The following CTDSPL variants were observed in gnomAD, a reference collection of about 807,000 sequenced individuals.
CTDSPL encodes the protein CTD small phosphatase like.
A neutral mutation model predicts 30.5 loss-of-function variants in CTDSPL; 8 were observed. The observed-to-expected ratio is 0.26, with a 90% CI of 0.15 to 0.47. The LOEUF is 0.47. CTDSPL is among the 20% of genes least tolerant of loss of function. The pLI, the probability that CTDSPL is intolerant of heterozygous loss-of-function variation, is 0.99. For missense variants in CTDSPL, 248 were observed against 366.1 expected, an observed-to-expected ratio of 0.68 and a Z score of 2.63; for synonymous variants, 110 against 137.9, an observed-to-expected ratio of 0.80 and a Z score of 1.42.
chr3:37,951,573 C>G (rs1350310013), intron 2 of CTDSPL, among the ~76,000 whole-genome samples: 1 of 151,726 alleles, frequency 6.6e-6, no homozygotes, highest in Non-Finnish European at 1.5e-5. Flanking sequence ...TCCAGCTACT[C>G]TGGAGACTGA....
chr3:37,873,725 T>C (rs1398088578), intron 1 of CTDSPL, among the ~76,000 whole-genome samples: 2 of 152,244 alleles, frequency 1.3e-5, no homozygotes, highest in Non-Finnish European at 2.9e-5. Context: ...TTCAATATTA[T>C]GCTAATGACT....
intron 1 of CTDSPL, among the ~76,000 whole-genome samples, chr3:37,890,477 A>T (rs777916425): frequency 6.6e-6 from 1 of 152,214 alleles, no homozygotes; most frequent in Non-Finnish European, 1.5e-5. Flanking sequence ...ATATTTGGTT[A>T]AAAAAAGCTA....
intron 1 of CTDSPL, among the ~76,000 whole-genome samples, chr3:37,901,608 T>C (rs917261316): frequency 3.9e-5 from 6 of 152,214 alleles, no homozygotes; most frequent in African/African-American, 1.2e-4. Context: ...TACTATGATA[T>C]GTCATGTGCT....
Position 37,862,260 on chromosome 3 carries a change from C to A in CTDSPL, c.61C>A (p.Pro21Thr). 1 of 1,494,934 alleles carries A rather than the reference C, an allele frequency of 6.7e-7. No homozygotes were observed. Among genetic ancestry groups the A allele is most frequent in the Non-Finnish European group, 8.9e-7 (1 of 1,125,618 alleles). The allele number at this position is 1,494,934 out of a possible 1,614,324, so 92.6% of individuals were successfully genotyped here. Reference protein sequence around the residue: ...TNPKEDEGRLPGAGEKASQCN... With the variant: ...TNPKEDEGRLTGAGEKASQCN... ...CCCCAAGGAGGACGAGGGCCGGTTGCCGGGCGCGGGCGAGAAAGGTGAGGA... is the reference window on the plus strand; with the variant it reads ...CCCCAAGGAGGACGAGGGCCGGTTGACGGGCGCGGGCGAGAAAGGTGAGGA... The change falls in exon 1 of 8, where the codon CCG becomes ACG. Residue 21 changes from proline (P) to threonine (T), a missense_variant. This residue lies in a region of CTDSPL where 118 missense variants were observed against 124.7 expected (regional missense o/e 0.95). Coordinates refer to ENST00000273179, the MANE Select transcript of CTDSPL (RefSeq NM_001008392.2). The surrounding 1 kb of genome is among the most constrained non-coding windows in gnomAD (Gnocchi z 4.3).
In CTDSPL at chr3:37,981,693, G is replaced by A. The variant is rs1206821152; in HGVS notation, c.*826G>A. 17 of 364,068 alleles carry A rather than the reference G, an allele frequency of 4.7e-5. No homozygotes were observed. The Admixed American group carries it at 5.5e-4, about 12-fold the overall frequency. The allele number at this position is 364,068 out of a possible 1,614,324, so 22.6% of individuals were successfully genotyped here. A position where few individuals can be genotyped will look rare whatever the true frequency, so the allele number is the denominator to read the frequency against. On this transcript the variant is annotated 3_prime_UTR_variant, in exon 8 of 8. Coordinates refer to ENST00000273179, the MANE Select transcript of CTDSPL (RefSeq NM_001008392.2). The stretch of plus-strand genomic sequence containing the variant: ...TGAAAAGTGACATCCTGTCACTTCT[G>A]CTCTCACACTACTGCCATACATTTG...
rs901674399 is a variant in CTDSPL, at chr3:37,983,380, G to A, written c.*2513G>A. On this transcript the variant is annotated 3_prime_UTR_variant, in exon 8 of 8. Coordinates refer to ENST00000273179, the MANE Select transcript of CTDSPL (RefSeq NM_001008392.2). The stretch of plus-strand genomic sequence containing the variant: ...CTAACATAAGGCCAAGAAATGAGAC[G>A]AATGTTTGGGGTTTATGTTTTTTAA... 4 of 152,350 alleles carry A rather than the reference G, an allele frequency of 2.6e-5. No homozygotes were observed. The highest frequency in any genetic ancestry group is 7.3e-5 in the African/African-American group (3 of 41,340). The allele number at this position is 152,350 out of a possible 1,614,324, so 9.4% of individuals were successfully genotyped here.
At chr3:37,883,825 T>C (rs1471093603) in intron 1 of CTDSPL, among the ~76,000 whole-genome samples, 1 of 152,256 alleles carries the variant, frequency 6.6e-6, no homozygotes, top group Non-Finnish European at 1.5e-5. Context: ...AAGTTTCTTC[T>C]TCCTAGATAT....
chr3:37,890,597 A>T (rs2125596242), intron 1 of CTDSPL, among the ~76,000 whole-genome samples: 1 of 152,332 alleles, frequency 6.6e-6, no homozygotes, highest in Non-Finnish European at 1.5e-5. Context: ...AAAAGTTAAA[A>T]GTTTGACTGT....
chr3:37,886,163 C>A (rs1464173129), intron 1 of CTDSPL, among the ~76,000 whole-genome samples: 1 of 152,170 alleles, frequency 6.6e-6, no homozygotes, highest in African/African-American at 2.4e-5. Context: ...AAGTCATCTT[C>A]CCAAAACATG....
intron 1 of CTDSPL, among the ~76,000 whole-genome samples, chr3:37,927,684 G>GTATATATATATATA (rs71094933): frequency 8.5e-6 from 1 of 117,758 alleles, no homozygotes; most frequent in Non-Finnish European, 1.7e-5. Context: ...GTGTGTATGT[G>GTATATATATATATA]TATATATATA....
At chr3:37,968,209 C>T (rs11719907) in intron 5 of CTDSPL, 70,461 of 463,568 alleles carry the variant, frequency 0.15, 5,798 homozygotes, top group Middle Eastern at 0.19. Flanking sequence ...TTCGGCTACT[C>T]TCCTAGCAGG....
intron 1 of CTDSPL, among the ~76,000 whole-genome samples, chr3:37,919,677 C>T (rs1184339418): frequency 1.3e-5 from 2 of 152,118 alleles, no homozygotes; most frequent in Non-Finnish European, 2.9e-5. Context: ...AAGCCTACAG[C>T]GGAGGAAGGA....
At chr3:37,932,428 C>A (rs1056162828) in intron 1 of CTDSPL, among the ~76,000 whole-genome samples, 5 of 152,078 alleles carry the variant, frequency 3.3e-5, no homozygotes, top group Admixed American at 2.6e-4. Flanking sequence ...TTCCAACATA[C>A]AGAACAGTCA....
Position 37,981,399 on chromosome 3 carries a change from T to TA in CTDSPL, c.*532_*533insA. ...CAATTTTCTAGAACCTGGTAGCGTGTGTGTGTGTGGCGGGGGGTGCTGAGG... is the reference window on the plus strand; with the variant it reads ...CAATTTTCTAGAACCTGGTAGCGTGTAGTGTGTGTGGCGGGGGGTGCTGAGG... On this transcript the variant is annotated 3_prime_UTR_variant, in exon 8 of 8. Coordinates refer to ENST00000273179, the MANE Select transcript of CTDSPL (RefSeq NM_001008392.2). The TA allele has an allele frequency of 6.0e-6, 1 of 168,066 alleles. No individual in the cohort carries two copies. Among genetic ancestry groups the TA allele is most frequent in the Admixed American group, 5.9e-5 (1 of 16,910 alleles). The allele number at this position is 168,066 out of a possible 1,614,324, so 10.4% of individuals were successfully genotyped here. A position where few individuals can be genotyped will look rare whatever the true frequency, so the allele number is the denominator to read the frequency against.
intron 1 of CTDSPL, among the ~76,000 whole-genome samples, chr3:37,904,364 G>T (rs920312346): frequency 1.9e-4 from 29 of 152,170 alleles, no homozygotes; most frequent in African/African-American, 6.8e-4. Context: ...ATCAGGCATT[G>T]AGGAAAGGAC....
chr3:37,917,273 T>A (rs1698659894), intron 1 of CTDSPL, among the ~76,000 whole-genome samples: 1 of 152,136 alleles, frequency 6.6e-6, no homozygotes, highest in Non-Finnish European at 1.5e-5. Context: ...AGTCCAGTGG[T>A]AGAGAGGATA....
At chr3:37,868,250 C>G (rs1192410599) in intron 1 of CTDSPL, among the ~76,000 whole-genome samples, 3 of 151,852 alleles carry the variant, frequency 2.0e-5, no homozygotes, top group Non-Finnish European at 2.9e-5. Flanking sequence ...GTCTTTTGCC[C>G]ATGTTCTAAT....
At chr3:37,980,279 G>C (rs1699474850) in intron 7 of CTDSPL, among the ~76,000 whole-genome samples, 1 of 152,176 alleles carries the variant, frequency 6.6e-6, no homozygotes, top group African/African-American at 2.4e-5. Context: ...TTCTCTTTGT[G>C]ATGTAATATT....
intron 1 of CTDSPL, among the ~76,000 whole-genome samples, chr3:37,918,456 C>T (rs1698674702): frequency 6.6e-6 from 1 of 152,086 alleles, no homozygotes; most frequent in African/African-American, 2.4e-5. Flanking sequence ...CTTGCATTTT[C>T]TTTATTTCTT....
Sources: gnomAD v4.1 joint callset for allele counts (sites outside exome capture counted in the v4.1 genomes callset) on GRCh38, gnomAD v4.1.1 for gene constraint, gnomAD v4.1.1 regional missense constraint, Gnocchi (gnomAD v3.1) non-coding constraint, MANE v1.5 for transcripts, NCBI Gene and HGNC (gene_info 2026-07-23, HGNC 2026-07-21) for gene names.